The following DOCK5 variants were observed in gnomAD, a reference collection of about 807,000 sequenced individuals.
DOCK5 encodes the protein dedicator of cytokinesis protein 5.
DOCK5 carries 142 observed loss-of-function variants against 251.8 expected under a neutral mutation model. The observed-to-expected ratio is 0.56, with a 90% CI of 0.49 to 0.65. The LOEUF (loss-of-function observed/expected upper bound fraction) is 0.65, where lower values mean the gene tolerates loss of function less well. Ranked by LOEUF, DOCK5 falls within the 30% of genes least tolerant of loss-of-function variation. The probability of loss-of-function intolerance (pLI) is 0.00; values close to 1 mark genes in which losing one functional copy is unlikely to be tolerated. For synonymous variants in DOCK5, 842 were observed against 835.5 expected (o/e 1.01, Z -0.13); for missense variants, 2,111 against 2,312.3 (o/e 0.91, Z 1.79).
rs1030726734 is a variant in DOCK5, at chr8:25,356,775, A to G, written c.2851-2188A>G. Among the ~76,000 whole-genome samples, 4 of 152,014 alleles carry G rather than the reference A, an allele frequency of 2.6e-5. No individual in the cohort carries two copies. In the South Asian group the frequency reaches 8.3e-4, roughly 31 times the overall value. On this transcript the variant is annotated intron_variant, in intron 27 of 51. Coordinates refer to ENST00000276440, the MANE Select transcript of DOCK5 (RefSeq NM_024940.8). Reference sequence around the variant, plus strand: ...GAAGTGTTCAATTAAAAAAAGTTGTATCATAAAGCACTAGAATAAAATAAT... The same window carrying G: ...GAAGTGTTCAATTAAAAAAAGTTGTGTCATAAAGCACTAGAATAAAATAAT...
At chr8:25,374,863 G>C in intron 37 of DOCK5, 2 of 1,396,626 alleles carry the variant, frequency 1.4e-6, no homozygotes, top group South Asian at 1.5e-5. Flanking sequence ...AAAATCCTTA[G>C]AAAGCAGAGC....
rs182935824 is a variant in DOCK5, at chr8:25,319,109, C to T, written c.1444-469C>T. ...TCTACTAAGCTCAGTGGTTCATGACCAGGAAAAGATGCAGCCCTGAGTTGA... is the reference window on the plus strand; with the variant it reads ...TCTACTAAGCTCAGTGGTTCATGACTAGGAAAAGATGCAGCCCTGAGTTGA... On this transcript the variant is annotated intron_variant, in intron 14 of 51. Transcript: ENST00000276440. 1.2e-4 allele frequency among the ~76,000 whole-genome samples: 18 copies of T among 152,248 alleles called. No homozygotes were observed. The East Asian group carries it at 3.5e-3, about 29-fold the overall frequency.
intron 27 of DOCK5, among the ~76,000 whole-genome samples, chr8:25,354,665 A>T (rs909521834): frequency 1.3e-5 from 2 of 152,248 alleles, no homozygotes; most frequent in African/African-American, 4.8e-5. Flanking sequence ...ATGTACAGAC[A>T]GACACAGACA....
At chr8:25,259,107 G>A (rs547867766) in intron 2 of DOCK5, among the ~76,000 whole-genome samples, 1 of 152,264 alleles carries the variant, frequency 6.6e-6, no homozygotes, top group South Asian at 2.1e-4. Flanking sequence ...GTGACAGAGC[G>A]AGACTCTGTC....
intron 37 of DOCK5, 79 bp from the exon 38 acceptor site, chr8:25,377,226 T>C: frequency 6.8e-7 from 1 of 1,479,288 alleles, no homozygotes; most frequent in East Asian, 2.4e-5. Flanking sequence ...ATGAGTCAAA[T>C]ATATATACAA....
chr8:25,294,797 A>G (rs1350991071), intron 6 of DOCK5, among the ~76,000 whole-genome samples: 1 of 152,194 alleles, frequency 6.6e-6, no homozygotes, highest in African/African-American at 2.4e-5. Context: ...GGGAGGCCTC[A>G]GGAAACACAA....
chr8:25,331,804 A>AT, intron 18 of DOCK5, among the ~76,000 whole-genome samples: 1 of 5,582 alleles, frequency 1.8e-4, no homozygotes, highest in East Asian at 0.014. Context: ...ATATATATAG[A>AT]GAGAGAGAGA....
chr8:25,280,293 A>C (rs1804156897), intron 5 of DOCK5, among the ~76,000 whole-genome samples: 2 of 152,092 alleles, frequency 1.3e-5, no homozygotes, highest in Non-Finnish European at 2.9e-5. Context: ...TGTTTGTCTC[A>C]ATTTTTGTTC....
At chr8:25,201,216 A>G (rs1047127521) in intron 1 of DOCK5, among the ~76,000 whole-genome samples, 2 of 152,166 alleles carry the variant, frequency 1.3e-5, no homozygotes, top group South Asian at 2.1e-4. Context: ...CTAAATGGCT[A>G]TTTCATGGTG....
intron 22 of DOCK5, 68 bp downstream of exon 22, chr8:25,336,441 T>C (rs1049374106): frequency 1.7e-4 from 267 of 1,572,140 alleles, no homozygotes; most frequent in Non-Finnish European, 1.9e-4. Context: ...TCCCTCACTC[T>C]GCACAGTGGT....
chr8:25,263,928 C>T (rs1470026363), intron 2 of DOCK5, among the ~76,000 whole-genome samples: 1 of 151,904 alleles, frequency 6.6e-6, no homozygotes, highest in Non-Finnish European at 1.5e-5. Context: ...CCAAGGTTTT[C>T]CTTTCTTCAA....
rs769805730 is a variant in DOCK5 at position 25,342,487 on chromosome 8, G to C, written c.2597G>C (p.Ser866Thr). 6.3e-7 allele frequency: 1 copy of C among 1,592,236 alleles called. No individual in the cohort carries two copies. The change falls in exon 25 of 52, where the codon AGC (serine) becomes ACC (threonine). Residue 866 changes from serine to threonine, a missense_variant. By Grantham distance (58) the Ser-to-Thr change is moderately conservative. Coordinates refer to ENST00000276440, the MANE Select transcript of DOCK5 (RefSeq NM_024940.8). Reference protein sequence around the residue: ...KLNCMTKIVESTLFRQSECRE... With the variant: ...KLNCMTKIVETTLFRQSECRE... ...AACTGCATGACCAAGATAGTAGAGA[G>C]CACTCTTTTTCGACAGTCAGGTAAG...
At chr8:25,259,490 C>G (rs991800743) in intron 2 of DOCK5, among the ~76,000 whole-genome samples, 1 of 152,136 alleles carries the variant, frequency 6.6e-6, no homozygotes, top group African/African-American at 2.4e-5. Context: ...CAGTCTTGCT[C>G]TATCACCTAG....
In DOCK5 at chr8:25,415,371, T is replaced by C. The variant is rs1801690564; in HGVS notation, c.*4073T>C. 6.6e-6 allele frequency: 1 copy of C among 152,174 alleles called. No homozygotes were observed. The highest frequency in any genetic ancestry group is 2.4e-5 in the African/African-American group (1 of 41,444). The allele number at this position is 152,174 out of a possible 1,614,324, so 9.4% of individuals were successfully genotyped here. A position where few individuals can be genotyped will look rare whatever the true frequency, so the allele number is the denominator to read the frequency against. On this transcript the variant is annotated 3_prime_UTR_variant, in exon 52 of 52. Transcript: ENST00000276440. ...CCTTAGATACCTTCATTCAGTGATATATCTGGCTTTTACAATTAAATTGGA... is the reference window on the plus strand; with the variant it reads ...CCTTAGATACCTTCATTCAGTGATACATCTGGCTTTTACAATTAAATTGGA...
intron 1 of DOCK5, among the ~76,000 whole-genome samples, chr8:25,195,721 C>G (rs1315353663): frequency 6.6e-6 from 1 of 152,204 alleles, no homozygotes; most frequent in African/African-American, 2.4e-5. Context: ...AGAACCCTAG[C>G]TGCATGATCC....
intron 5 of DOCK5, among the ~76,000 whole-genome samples, chr8:25,280,067 C>T (rs1804148884): frequency 6.6e-6 from 1 of 152,224 alleles, no homozygotes; most frequent in African/African-American, 2.4e-5. Context: ...GCCCCGCCCA[C>T]AAAGACTGTT....
At chr8:25,210,080 TTATCTATCTATCTATCTATC>T (rs34206435) in intron 1 of DOCK5, among the ~76,000 whole-genome samples, 2,837 of 26,314 alleles carry the variant, frequency 0.11, 1,121 homozygotes, top group Middle Eastern at 0.31. Context: ...ATCTGTCTAT[TTATCTATCTATCTATCTATC>T]TATCTATCTA....
At chr8:25,223,405 C>A (rs1319501763) in intron 1 of DOCK5, among the ~76,000 whole-genome samples, 1 of 152,192 alleles carries the variant, frequency 6.6e-6, no homozygotes, top group Non-Finnish European at 1.5e-5. Flanking sequence ...GCCTTGACTG[C>A]CCCAGGTTAA....
At chr8:25,292,739 CAAACT>C (rs960333221) in intron 6 of DOCK5, among the ~76,000 whole-genome samples, 1 of 152,140 alleles carries the variant, frequency 6.6e-6, no homozygotes, top group African/African-American at 2.4e-5. Context: ...CCCTGTCTCA[CAAACT>C]AAACTAAACT....
Sources: allele counts gnomAD v4.1 joint callset (sites outside exome capture counted in the v4.1 genomes callset), GRCh38; gene constraint gnomAD v4.1.1; transcripts MANE v1.5; gene names NCBI Gene and HGNC (gene_info 2026-07-23, HGNC 2026-07-21).